Variants in ABRACL observed in about 807,000 individuals in gnomAD.
ABRACL encodes ABRA C-terminal like.
A neutral mutation model predicts 7.0 loss-of-function variants in ABRACL; 4 were observed. The ratio of observed to expected loss-of-function variants is 0.57; its 90% CI spans 0.28 to 1.30. The LOEUF is 1.30. Among genes scored for constraint, ABRACL ranks in the 50% most tolerant of loss-of-function variants. ABRACL has a pLI of 0.10. For missense variants in ABRACL, 104 were observed against 97.3 expected (o/e 1.07, Z -0.29); for synonymous variants, 30 against 36.0 (o/e 0.83, Z 0.60).
At chr6:139,036,698 C>T in intron 2 of ABRACL, among the ~76,000 whole-genome samples, 1 of 152,140 alleles carries the variant, frequency 6.6e-6, no homozygotes, top group South Asian at 2.1e-4. Flanking sequence ...GATAAAATCT[C>T]ATAGTCCAGG....
intron 2 of ABRACL, chr6:139,034,477 C>G: frequency 7.1e-7 from 1 of 1,401,056 alleles, no homozygotes. Context: ...AGCAAATTAC[C>G]AAGCTTCTTG....
chr6:139,031,353 C>T (rs1426865582), intron 1 of ABRACL, among the ~76,000 whole-genome samples: 2 of 152,170 alleles, frequency 1.3e-5, no homozygotes, highest in African/African-American at 2.4e-5. Context: ...ACCCATCCTA[C>T]CCAGTAGAGG....
intron 2 of ABRACL, among the ~76,000 whole-genome samples, chr6:139,038,685 G>T (rs1196200285): frequency 2.0e-5 from 3 of 152,026 alleles, no homozygotes; most frequent in African/African-American, 7.2e-5. Flanking sequence ...ATGTAAAAAT[G>T]AACAAAATTC....
chr6:139,042,632 A>G, intron 2 of ABRACL, 87 bp from the exon 3 acceptor site: 1 of 1,304,738 alleles, frequency 7.7e-7, no homozygotes. Flanking sequence ...CCATAGTTAT[A>G]AATTTATTAA....
chr6:139,034,369 C>G, intron 2 of ABRACL, 148 bp downstream of exon 2: 1 of 1,562,390 alleles, frequency 6.4e-7, no homozygotes, highest in Non-Finnish European at 8.7e-7. Flanking sequence ...TTATAACTGC[C>G]CTTAGCCAGG....
Position 139,041,531 on chromosome 6 carries a change from A to ATATATATT in ABRACL, c.62-1187_62-1186insATATATTT, listed in dbSNP as rs748288046. ...TGTGTGTGTATATATATATATATATATTTTTTTTTAGGAGAGACATGGTCT... is the reference window on the plus strand; with the variant it reads ...TGTGTGTGTATATATATATATATATATATATATTTTTTTTTTTAGGAGAGACATGGTCT... On this transcript the variant is annotated intron_variant, in intron 2 of 2. Transcript: ENST00000367660. Among the ~76,000 whole-genome samples, 17 of 126,038 alleles carry ATATATATT rather than the reference A, an allele frequency of 1.3e-4. 1 individual carries two copies. The highest frequency in any genetic ancestry group is 4.6e-4 in the East Asian group (2 of 4,308). 82.7% of individuals were successfully genotyped at this position (126,038 alleles called of 152,430 possible).
chr6:139,043,129 T>G lies in ABRACL; in HGVS notation c.*226T>G, dbSNP rs962710199. The stretch of plus-strand genomic sequence containing the variant: ...TTTTTCTCAGGAATCTGGTTAGGAA[T>G]TGCAGGCAATGAGATTTTTTGCGGG... On this transcript the variant is annotated 3_prime_UTR_variant, in exon 3 of 3. Coordinates refer to ENST00000367660, the MANE Select transcript of ABRACL (RefSeq NM_021243.3). The G allele has an allele frequency of 2.1e-5, 7 of 337,450 alleles. No homozygotes were observed. Among genetic ancestry groups the G allele is most frequent in the Non-Finnish European group, 3.1e-5 (6 of 191,154 alleles). 20.9% of individuals were successfully genotyped at this position (337,450 alleles called of 1,614,324 possible).
chr6:139,037,156 G>A (rs1407673272), intron 2 of ABRACL, among the ~76,000 whole-genome samples: 1 of 152,160 alleles, frequency 6.6e-6, no homozygotes, highest in Non-Finnish European at 1.5e-5. Context: ...GGACTTTGAA[G>A]TGGAGGGCAG....
Position 139,042,836 on chromosome 6 carries a change from C to T in ABRACL, c.179C>T (p.Thr60Ile). 2.5e-6 allele frequency: 4 copies of T among 1,614,020 alleles called. No homozygotes were observed. The highest frequency in any genetic ancestry group is 3.4e-6 in the Non-Finnish European group (4 of 1,179,972). ...LKAAKRRKIV[T>I]YPGELLLQGV... Reference sequence around the variant, plus strand: ...GCTGCAAAACGAAGGAAGATTGTAACATATCCAGGAGAGCTGCTTCTGCAA... The same window carrying T: ...GCTGCAAAACGAAGGAAGATTGTAATATATCCAGGAGAGCTGCTTCTGCAA... Residue 60 changes from threonine to isoleucine, a missense_variant, in exon 3 of 3, where the codon ACA becomes ATA. Transcript: ENST00000367660.
chr6:139,032,980 A>C (rs528150042), intron 1 of ABRACL, among the ~76,000 whole-genome samples: 47 of 152,348 alleles, frequency 3.1e-4, no homozygotes, highest in African/African-American at 9.9e-4. Context: ...ATTCCAATTA[A>C]GTGAAATGAA....
At chr6:139,030,942 T>C (rs535885370) in intron 1 of ABRACL, among the ~76,000 whole-genome samples, 1 of 152,348 alleles carries the variant, frequency 6.6e-6, no homozygotes, top group East Asian at 1.9e-4. Flanking sequence ...CTTTCATGCT[T>C]AAAATTGGAT....
At chr6:139,029,646 C>T (rs1253377299) in intron 1 of ABRACL, among the ~76,000 whole-genome samples, 1 of 152,258 alleles carries the variant, frequency 6.6e-6, no homozygotes, top group East Asian at 1.9e-4. Flanking sequence ...GGACCTCTAC[C>T]AGGCAGAACC....
intron 2 of ABRACL, among the ~76,000 whole-genome samples, chr6:139,041,491 A>ATGTGTGTG (rs1165991838): frequency 1.6e-5 from 1 of 63,310 alleles, no homozygotes; most frequent in African/African-American, 5.0e-5. Context: ...CTATATATAT[A>ATGTGTGTG]TATGTGTGTG....
At chr6:139,029,203 G>A (rs1029681949) in intron 1 of ABRACL, among the ~76,000 whole-genome samples, 2 of 152,162 alleles carry the variant, frequency 1.3e-5, no homozygotes, top group Non-Finnish European at 2.9e-5. Flanking sequence ...ACTTGGCGGT[G>A]GTTCAGGAGC....
intron 2 of ABRACL, among the ~76,000 whole-genome samples, chr6:139,041,911 G>A (rs1786259577): frequency 1.3e-5 from 2 of 152,106 alleles, no homozygotes. Flanking sequence ...AGGGAGCATG[G>A]GAACTCAAGA....
chr6:139,037,025 T>C (rs1425833673), intron 2 of ABRACL, among the ~76,000 whole-genome samples: 1 of 105,748 alleles, frequency 9.5e-6, no homozygotes, highest in Non-Finnish European at 2.1e-5. Flanking sequence ...GAGGCAATTA[T>C]CCGAAAAAAA....
At chr6:139,037,655 T>C (rs1786182738) in intron 2 of ABRACL, among the ~76,000 whole-genome samples, 1 of 152,232 alleles carries the variant, frequency 6.6e-6, no homozygotes, top group Non-Finnish European at 1.5e-5. Context: ...GATGGAGGCC[T>C]GATGAGTCTT....
At chr6:139,032,233 G>A (rs1582898726) in intron 1 of ABRACL, among the ~76,000 whole-genome samples, 1 of 152,234 alleles carries the variant, frequency 6.6e-6, no homozygotes, top group Non-Finnish European at 1.5e-5. Flanking sequence ...CAAAGTGCTG[G>A]GATTACAGGC....
chr6:139,031,045 T>C (rs1337112888), intron 1 of ABRACL, among the ~76,000 whole-genome samples: 2 of 152,206 alleles, frequency 1.3e-5, no homozygotes, highest in East Asian at 3.9e-4. Flanking sequence ...GAGAGCTAAG[T>C]CTGAAGTATG....
Sources: allele counts gnomAD v4.1 joint callset (sites outside exome capture counted in the v4.1 genomes callset), GRCh38; gene constraint gnomAD v4.1.1; transcripts MANE v1.5; gene names NCBI Gene and HGNC (gene_info 2026-07-23, HGNC 2026-07-21).